Variants in DYNC2H1 observed in about 807,000 individuals in gnomAD.
DYNC2H1 encodes cytoplasmic dynein 2 heavy chain 1.
A neutral mutation model predicts 570.0 loss-of-function variants in DYNC2H1; 410 were observed. The ratio of observed to expected loss-of-function variants is 0.72; its 90% CI spans 0.66 to 0.78. The LOEUF (loss-of-function observed/expected upper bound fraction) is 0.78. DYNC2H1 is among the 30% of genes least tolerant of loss of function. The probability of loss-of-function intolerance (pLI) is 0.00; values close to 1 mark genes in which losing one functional copy is unlikely to be tolerated. For synonymous variants in DYNC2H1, 1,688 were observed against 1,677.6 expected, an observed-to-expected ratio of 1.01 and a Z score of -0.15; for missense variants, 4,865 against 5,046.4, an observed-to-expected ratio of 0.96 and a Z score of 1.09.
rs763822387 is a variant in DYNC2H1 at position 103,287,525 on chromosome 11, A to G, written c.11023-8A>G. 3 of 1,598,208 alleles carry G rather than the reference A, an allele frequency of 1.9e-6. No individual in the cohort carries two copies. The highest frequency in any genetic ancestry group is 1.7e-6 in the Non-Finnish European group (2 of 1,173,332). The stretch of plus-strand genomic sequence containing the variant: ...ATTCTTTAAAAATATTCTGCATTTT[A>G]TTTTAAGATTCTTGTAGTACAGGCG... On this transcript the variant is annotated splice_region_variant and splice_polypyrimidine_tract_variant and intron_variant, in intron 74 of 88. Transcript: ENST00000375735.
At chr11:103,166,835 A>G (rs1010271054) in intron 31 of DYNC2H1, among the ~76,000 whole-genome samples, 1 of 151,892 alleles carries the variant, frequency 6.6e-6, no homozygotes, top group Non-Finnish European at 1.5e-5. Context: ...CTCAGCTTCA[A>G]TCTGTACATT....
At chr11:103,445,147 C>A (rs1472677891) in intron 85 of DYNC2H1, among the ~76,000 whole-genome samples, 2 of 152,156 alleles carry the variant, frequency 1.3e-5, no homozygotes, top group Non-Finnish European at 2.9e-5. Flanking sequence ...TCACTTTCTG[C>A]TTTCAAATAT....
chr11:103,282,610 T>G (rs967717929), intron 72 of DYNC2H1, among the ~76,000 whole-genome samples: 10 of 151,990 alleles, frequency 6.6e-5, no homozygotes, highest in Non-Finnish European at 4.4e-5. Flanking sequence ...AAATTTAGCT[T>G]TTTTTCCTAC....
chr11:103,376,605 T>A (rs1358439307), intron 83 of DYNC2H1, among the ~76,000 whole-genome samples: 2 of 142,102 alleles, frequency 1.4e-5, no homozygotes, highest in South Asian at 4.1e-4. Context: ...CCATTTATAT[T>A]TGTGTTATCT....
At chr11:103,194,618 T>C (rs1862446143) in intron 47 of DYNC2H1, among the ~76,000 whole-genome samples, 1 of 152,222 alleles carries the variant, frequency 6.6e-6, no homozygotes, top group Non-Finnish European at 1.5e-5. Context: ...TGCATTTTGC[T>C]AAGGGCTAGT....
chr11:103,351,671 A>C (rs942012613), intron 82 of DYNC2H1, among the ~76,000 whole-genome samples: 28 of 152,312 alleles, frequency 1.8e-4, no homozygotes, highest in African/African-American at 6.7e-4. Flanking sequence ...CATCCTGTAT[A>C]TCTTTTTAAA....
In DYNC2H1 at chr11:103,121,031, T is replaced by C. The variant is rs1220178068; in HGVS notation, c.1355T>C (p.Ile452Thr). ...ETLLARLVDS[I>T]KDFRLDFENR... ...TTACTGGCAAGACTTGTGGACTCAA[T>C]TAAAGGTAAAAGTTTATGAGATTAT... is the stretch of plus-strand genomic sequence containing the variant. Residue 452 changes from isoleucine (I) to threonine (T), a missense_variant, in exon 9 of 89, where the codon ATT (isoleucine) becomes ACT (threonine). This residue lies in a region of DYNC2H1 where 1,936 missense variants were observed against 1,962.1 expected (regional missense o/e 0.99). Transcript: ENST00000375735. The C allele has an allele frequency of 1.3e-6, 2 of 1,553,488 alleles. No individual in the cohort carries two copies. The highest frequency in any genetic ancestry group is 1.7e-6 in the Non-Finnish European group (2 of 1,148,640).
Position 103,439,831 on chromosome 11 carries a change from T to C in DYNC2H1, c.12456+3799T>C, listed in dbSNP as rs1944202202. Among the ~76,000 whole-genome samples, 1 of 152,180 alleles carries C rather than the reference T, an allele frequency of 6.6e-6. No homozygotes were observed. Among genetic ancestry groups the C allele is most frequent in the Non-Finnish European group, 1.5e-5 (1 of 68,020 alleles). On this transcript the variant is annotated intron_variant, in intron 85 of 88. Transcript: ENST00000375735. The surrounding 1 kb of genome is among the most constrained non-coding windows in gnomAD (Gnocchi z 4.1). The stretch of plus-strand genomic sequence containing the variant: ...TAACAAATGAATGGACTGGACAGAT[T>C]ACTCTCTTTGGGGAACTTAGAATTA...
intron 70 of DYNC2H1, among the ~76,000 whole-genome samples, chr11:103,269,048 T>C (rs1865605551): frequency 2.0e-5 from 3 of 152,184 alleles, no homozygotes; most frequent in African/African-American, 7.2e-5. Flanking sequence ...GGCAGCATTT[T>C]GTTCACTAGG....
intron 63 of DYNC2H1, among the ~76,000 whole-genome samples, chr11:103,242,734 C>CT (rs530650004): frequency 7.3e-5 from 11 of 150,818 alleles, no homozygotes; most frequent in African/African-American, 1.5e-4. Context: ...TTCTAACTCC[C>CT]TTTTTTTTTG....
chr11:103,183,515 C>G (rs1861937861), intron 40 of DYNC2H1, among the ~76,000 whole-genome samples: 1 of 151,688 alleles, frequency 6.6e-6, no homozygotes, highest in South Asian at 2.1e-4. Context: ...GTTAAGGGTT[C>G]TTTTCTTTTT....
intron 11 of DYNC2H1, among the ~76,000 whole-genome samples, chr11:103,124,181 A>T (rs1292893017): frequency 6.6e-6 from 1 of 152,078 alleles, no homozygotes; most frequent in East Asian, 1.9e-4. Context: ...GTGGTGGCTT[A>T]TGCCTGTAAT....
chr11:103,316,440 T>C lies in DYNC2H1; in HGVS notation c.11650-105T>C, dbSNP rs72975657. The C allele has an allele frequency of 0.066, 44,304 of 675,114 alleles. 1,709 individuals carry two copies. The highest frequency in any genetic ancestry group is 0.079 in the Non-Finnish European group (34,241 of 431,334). 41.8% of individuals were successfully genotyped at this position (675,114 alleles called of 1,614,324 possible). On this transcript the variant is annotated intron_variant, in intron 79 of 88. Transcript: ENST00000375735. The stretch of plus-strand genomic sequence containing the variant: ...TTATTAAAAATTCTCAGGAGTTATA[T>C]ATTTTTAAGTCTATATTGATCATTT...
chr11:103,211,978 T>A, intron 54 of DYNC2H1, 35 bp downstream of exon 54: 1 of 1,462,958 alleles, frequency 6.8e-7, no homozygotes, highest in Non-Finnish European at 9.1e-7. Context: ...ATTTTATCTA[T>A]ATATAGGAAA....
At position 103,243,555 on chromosome 11, in the gene DYNC2H1, G is replaced by T; in HGVS notation, c.9820-138G>T. ...AACTGTATTTTTGTTTCTTTTTCAT[G>T]GTTGTATATTTGTGTTCTCCAAAGC... On this transcript the variant is annotated intron_variant, in intron 63 of 88. Coordinates refer to ENST00000375735, the MANE Select transcript of DYNC2H1 (RefSeq NM_001377.3). This position sits in a 1 kb window ranked among gnomAD's most constrained non-coding sequence, Gnocchi z 4.8. The T allele has an allele frequency of 1.5e-6, 1 of 678,774 alleles. No individual in the cohort carries two copies. The highest frequency in any genetic ancestry group is 2.4e-6 in the Non-Finnish European group (1 of 416,796). The allele number at this position is 678,774 out of a possible 1,614,324, so 42.0% of individuals were successfully genotyped here.
rs539503043 is a variant in DYNC2H1, at chr11:103,188,911, A to G, written c.7292+263A>G. ...GTGTAGTCTGTGTTCCAAAATGTCA[A>G]TCTCAGGAGTCTGAATGGTGGATTT... is the stretch of plus-strand genomic sequence containing the variant. On this transcript the variant is annotated intron_variant, in intron 44 of 88. Transcript: ENST00000375735. Among the ~76,000 whole-genome samples, 4 of 152,198 alleles carry G rather than the reference A, an allele frequency of 2.6e-5. No homozygotes were observed. The East Asian group carries it at 5.8e-4, about 22-fold the overall frequency.
chr11:103,415,842 C>T (rs907399946), intron 84 of DYNC2H1, among the ~76,000 whole-genome samples: 2 of 152,182 alleles, frequency 1.3e-5, no homozygotes, highest in African/African-American at 4.8e-5. Flanking sequence ...TATAAAGACA[C>T]ATGCGCACAT....
intron 88 of DYNC2H1, among the ~76,000 whole-genome samples, chr11:103,476,196 A>G (rs1945540922): frequency 6.6e-6 from 1 of 152,188 alleles, no homozygotes; most frequent in South Asian, 2.1e-4. Flanking sequence ...AAGAGGGAAG[A>G]GATTAGTCAG....
At chr11:103,159,128 T>G in intron 28 of DYNC2H1, 101 bp downstream of exon 28, 1 of 840,528 alleles carries the variant, frequency 1.2e-6, no homozygotes, top group South Asian at 1.7e-5. Context: ...AGCAGTCAGT[T>G]CATATACCCA....
Sources: allele counts gnomAD v4.1 joint callset (sites outside exome capture counted in the v4.1 genomes callset), GRCh38; gene constraint gnomAD v4.1.1; regional missense constraint gnomAD v4.1.1; non-coding constraint Gnocchi (gnomAD v3.1); transcripts MANE v1.5; gene names NCBI Gene and HGNC (gene_info 2026-07-23, HGNC 2026-07-21).